The following PPP2R2B variants were observed in gnomAD, a reference collection of about 807,000 sequenced individuals.
PPP2R2B encodes protein phosphatase 2 regulatory subunit Bbeta, also known as serine/threonine-protein phosphatase 2A 55 kDa regulatory subunit B beta isoform.
PPP2R2B carries 5 observed loss-of-function variants against 46.0 expected under a neutral mutation model. That is an observed-to-expected ratio of 0.11 (90% confidence interval 0.06 to 0.23). The LOEUF (loss-of-function observed/expected upper bound fraction) is 0.23, where lower values mean the gene tolerates loss of function less well. Among genes scored for constraint, PPP2R2B ranks in the 10% least tolerant of loss-of-function variants. PPP2R2B has a pLI of 1.00. For synonymous variants in PPP2R2B, 215 were observed against 206.7 expected (o/e 1.04, Z -0.34); for missense variants, 367 against 575.0 (o/e 0.64, Z 3.70).
intron 1 of PPP2R2B, among the ~76,000 whole-genome samples, chr5:146,959,009 T>TCA (rs1424204489): frequency 6.6e-6 from 1 of 152,200 alleles, no homozygotes; most frequent in African/African-American, 2.4e-5. Context: ...CTTGTTTATT[T>TCA]CACATTTGGT....
chr5:146,920,921 C>T (rs1352858903), intron 1 of PPP2R2B, among the ~76,000 whole-genome samples: 1 of 152,180 alleles, frequency 6.6e-6, no homozygotes. Context: ...ACCACCAAAA[C>T]CTCTTTGGAG....
chr5:146,961,370 CTACA>C (rs1303205272), intron 1 of PPP2R2B, among the ~76,000 whole-genome samples: 2 of 152,138 alleles, frequency 1.3e-5, no homozygotes, highest in East Asian at 3.9e-4. Context: ...AATGCCTGGG[CTACA>C]TGCTGATGAA....
intron 2 of PPP2R2B, among the ~76,000 whole-genome samples, chr5:146,837,448 T>C (rs1469252315): frequency 6.6e-6 from 1 of 152,154 alleles, no homozygotes; most frequent in African/African-American, 2.4e-5. Flanking sequence ...GTATAGTATG[T>C]TAGTTGTATG....
chr5:146,729,542 C>A (rs527889911), intron 2 of PPP2R2B, among the ~76,000 whole-genome samples: 3 of 152,198 alleles, frequency 2.0e-5, no homozygotes, highest in Non-Finnish European at 2.9e-5. Context: ...CAGCCCCTCC[C>A]ATCACAGGCC....
At chr5:146,887,166 T>C (rs1050721728) in intron 1 of PPP2R2B, among the ~76,000 whole-genome samples, 2 of 152,120 alleles carry the variant, frequency 1.3e-5, no homozygotes, top group African/African-American at 2.4e-5. Context: ...ATATAATCAA[T>C]AAAGAATTAC....
At chr5:146,684,467 C>T (rs1467587788) in intron 5 of PPP2R2B, among the ~76,000 whole-genome samples, 1 of 152,230 alleles carries the variant, frequency 6.6e-6, no homozygotes, top group Non-Finnish European at 1.5e-5. Flanking sequence ...ATTCCCAGTT[C>T]TGCCTCTTTC....
intron 2 of PPP2R2B, among the ~76,000 whole-genome samples, chr5:146,706,218 G>A (rs1779839170): frequency 6.6e-6 from 1 of 152,178 alleles, no homozygotes; most frequent in African/African-American, 2.4e-5. Flanking sequence ...CACTTGAGCA[G>A]GAAATCAGAG....
intron 1 of PPP2R2B, among the ~76,000 whole-genome samples, chr5:147,044,298 C>A (rs1756452299): frequency 6.6e-6 from 1 of 151,996 alleles, no homozygotes; most frequent in Admixed American, 6.6e-5. Flanking sequence ...AGTAGAATGG[C>A]CAGGTTTGAG....
intron 1 of PPP2R2B, among the ~76,000 whole-genome samples, chr5:146,978,407 C>T (rs1197837551): frequency 6.6e-6 from 1 of 151,988 alleles, no homozygotes; most frequent in Non-Finnish European, 1.5e-5. Flanking sequence ...GGCTTTTTTG[C>T]CATTAGTTTT....
At chr5:146,989,598 C>T (rs184231262) in intron 1 of PPP2R2B, among the ~76,000 whole-genome samples, 7 of 151,994 alleles carry the variant, frequency 4.6e-5, no homozygotes, top group Non-Finnish European at 1.0e-4. Flanking sequence ...GAACATACCT[C>T]GATACAATAA....
chr5:146,730,856 A>G (rs1264297759), intron 2 of PPP2R2B, among the ~76,000 whole-genome samples: 4 of 152,170 alleles, frequency 2.6e-5, no homozygotes, highest in Admixed American at 2.6e-4. Context: ...AACTTATATC[A>G]TTAAAAAGAG....
At chr5:147,045,883 A>T (rs953690309) in intron 1 of PPP2R2B, among the ~76,000 whole-genome samples, 2 of 152,026 alleles carry the variant, frequency 1.3e-5, no homozygotes, top group African/African-American at 4.8e-5. Context: ...TTTGCCTAAA[A>T]TATCCTCTTT....
At chr5:146,768,613 T>C (rs1216787755) in intron 2 of PPP2R2B, among the ~76,000 whole-genome samples, 1 of 152,158 alleles carries the variant, frequency 6.6e-6, no homozygotes, top group East Asian at 1.9e-4. Context: ...GGCTTTCCAC[T>C]GCATTAAGGT....
chr5:146,619,156 A>G (rs966703771), intron 7 of PPP2R2B, among the ~76,000 whole-genome samples: 2 of 152,142 alleles, frequency 1.3e-5, no homozygotes, highest in African/African-American at 4.8e-5. Context: ...CAGGTAGTGA[A>G]ATAGATGACA....
At chr5:146,856,501 T>C (rs761966381) in intron 2 of PPP2R2B, 1 of 1,586,942 alleles carries the variant, frequency 6.3e-7, no homozygotes, top group Non-Finnish European at 8.7e-7. Context: ...ACGAATACCT[T>C]TATTTCCATA....
chr5:147,002,989 A>G (rs549175241), intron 1 of PPP2R2B, among the ~76,000 whole-genome samples: 1 of 152,164 alleles, frequency 6.6e-6, no homozygotes, highest in East Asian at 1.9e-4. Context: ...TTTCTGCACT[A>G]TGGCCTGGCC....
intron 8 of PPP2R2B, among the ~76,000 whole-genome samples, chr5:146,596,495 C>T (rs1290965220): frequency 1.3e-5 from 2 of 152,210 alleles, no homozygotes; most frequent in African/African-American, 4.8e-5. Context: ...TTACCATCAT[C>T]TTTAAATTAC....
intron 2 of PPP2R2B, among the ~76,000 whole-genome samples, chr5:147,079,120 G>C (rs1757891404): frequency 6.6e-6 from 1 of 151,726 alleles, no homozygotes; most frequent in Non-Finnish European, 1.5e-5. Context: ...CTTCATAGGG[G>C]CTTTAGAAGG....
At chr5:147,034,135 A>C (rs1430797418) in intron 1 of PPP2R2B, among the ~76,000 whole-genome samples, 1 of 152,138 alleles carries the variant, frequency 6.6e-6, no homozygotes, top group Non-Finnish European at 1.5e-5. Context: ...TTATGCTAAC[A>C]TAGTAAGCTC....
Sources: gnomAD v4.1 joint callset for allele counts (sites outside exome capture counted in the v4.1 genomes callset) on GRCh38, gnomAD v4.1.1 for gene constraint, MANE v1.5 for transcripts, NCBI Gene and HGNC (gene_info 2026-07-23, HGNC 2026-07-21) for gene names.